Variants in CCDC175 observed in about 807,000 individuals in gnomAD.
CCDC175 encodes the protein coiled-coil domain-containing protein 175.
Under a neutral mutation model 114.6 loss-of-function variants are expected in CCDC175, and 100 were observed. That is an observed-to-expected ratio of 0.87 (90% CI 0.74 to 1.03). The LOEUF (loss-of-function observed/expected upper bound fraction) is 1.03, where lower values mean the gene tolerates loss of function less well. Ranked by LOEUF, CCDC175 falls within the 50% of genes least tolerant of loss-of-function variation. The pLI is 0.00. For synonymous variants in CCDC175, 306 were observed against 308.7 expected (o/e 0.99, Z 0.09); for missense variants, 880 against 917.8 (o/e 0.96, Z 0.53).
intron 15 of CCDC175, among the ~76,000 whole-genome samples, chr14:59,526,013 A>G (rs1269202183): frequency 1.3e-5 from 2 of 152,172 alleles, no homozygotes; most frequent in African/African-American, 2.4e-5. Context: ...TGATATATAA[A>G]CAATTGTCCA....
At position 59,526,888 on chromosome 14, in the gene CCDC175, T is replaced by A. The variant is rs77868958; in HGVS notation, c.1842+207A>T. ...ACACATAAGTATACATATATACACA[T>A]ACATACATAGCATATGTGTACAGGT... On this transcript the variant is annotated intron_variant, in intron 15 of 19. Transcript: ENST00000537690. 7.9e-4 allele frequency among the ~76,000 whole-genome samples: 121 copies of A among 152,238 alleles called. No homozygotes were observed. In the East Asian group the frequency reaches 0.013, roughly 16 times the overall value.
At chr14:59,507,921 A>G (rs528404186) in intron 19 of CCDC175, among the ~76,000 whole-genome samples, 1 of 152,316 alleles carries the variant, frequency 6.6e-6, no homozygotes, top group East Asian at 1.9e-4. Flanking sequence ...ATGACCAAAC[A>G]GCAAACTGTT....
chr14:59,548,774 G>A (rs1272464745), intron 8 of CCDC175, among the ~76,000 whole-genome samples: 2 of 152,198 alleles, frequency 1.3e-5, no homozygotes, highest in South Asian at 2.1e-4. Flanking sequence ...GTAGCCCAGA[G>A]GGGAAGCCAT....
chr14:59,527,209 A>G, intron 14 of CCDC175, 35 bp from the exon 15 acceptor site: 1 of 1,097,424 alleles, frequency 9.1e-7, no homozygotes, highest in Non-Finnish European at 1.3e-6. Context: ...CTACCTCAAA[A>G]ATTTAGTTAA....
intron 7 of CCDC175, among the ~76,000 whole-genome samples, chr14:59,556,840 A>C (rs1312904466): frequency 6.6e-6 from 1 of 152,226 alleles, no homozygotes; most frequent in Non-Finnish European, 1.5e-5. Context: ...GAAGACATTT[A>C]TGCAGCCAAA....
intron 3 of CCDC175, among the ~76,000 whole-genome samples, chr14:59,570,948 G>A (rs183596575): frequency 1.3e-5 from 2 of 151,968 alleles, no homozygotes; most frequent in East Asian, 3.9e-4. Flanking sequence ...TCACTATGTT[G>A]GCCAGGCTGG....
At chr14:59,523,965 G>C (rs896036949) in intron 16 of CCDC175, among the ~76,000 whole-genome samples, 6 of 151,648 alleles carry the variant, frequency 4.0e-5, no homozygotes, top group Non-Finnish European at 8.8e-5. Flanking sequence ...CTCCAGCCTG[G>C]GCGACAGAGC....
intron 5 of CCDC175, among the ~76,000 whole-genome samples, chr14:59,564,684 C>A (rs1468695281): frequency 6.6e-6 from 1 of 152,112 alleles, no homozygotes; most frequent in Non-Finnish European, 1.5e-5. Context: ...TGGGCTGGTG[C>A]CCTATCTGAA....
intron 7 of CCDC175, among the ~76,000 whole-genome samples, chr14:59,555,066 A>G (rs1339600235): frequency 6.6e-6 from 1 of 152,234 alleles, no homozygotes; most frequent in Non-Finnish European, 1.5e-5. Flanking sequence ...ATTACTTCTG[A>G]AACTATTCCA....
At chr14:59,565,906 C>G (rs1896511271) in intron 4 of CCDC175, among the ~76,000 whole-genome samples, 1 of 152,154 alleles carries the variant, frequency 6.6e-6, no homozygotes. Context: ...TGAATGGGAT[C>G]TGGCCAGATG....
At chr14:59,537,078 G>T (rs1199040451) in intron 13 of CCDC175, among the ~76,000 whole-genome samples, 12 of 152,134 alleles carry the variant, frequency 7.9e-5, no homozygotes, top group Admixed American at 7.9e-4. Flanking sequence ...ACTGCACCTG[G>T]CCTGATCATA....
chr14:59,547,347 T>C (rs963049213), intron 8 of CCDC175, among the ~76,000 whole-genome samples: 2 of 152,098 alleles, frequency 1.3e-5, no homozygotes, highest in African/African-American at 4.8e-5. Flanking sequence ...CCAATCAAAA[T>C]CCAAACAGGT....
At chr14:59,526,091 A>G (rs1160915242) in intron 15 of CCDC175, among the ~76,000 whole-genome samples, 1 of 152,206 alleles carries the variant, frequency 6.6e-6, no homozygotes, top group African/African-American at 2.4e-5. Context: ...TGAAGAAAGA[A>G]GAAGATTATG....
intron 17 of CCDC175, among the ~76,000 whole-genome samples, chr14:59,516,615 C>T (rs1049168886): frequency 4.6e-5 from 7 of 152,116 alleles, no homozygotes; most frequent in Non-Finnish European, 2.9e-5. Context: ...GAAGACTAAA[C>T]CAGGAAGAAG....
chr14:59,511,847 T>G lies in CCDC175; in HGVS notation c.2099-44A>C, dbSNP rs1302231068. 3 of 1,317,640 alleles carry G rather than the reference T, an allele frequency of 2.3e-6. No homozygotes were observed. The East Asian group carries it at 7.5e-5, about 33-fold the overall frequency. 81.6% of individuals were successfully genotyped at this position (1,317,640 alleles called of 1,614,324 possible). ...AAATACAATGGTTACTGACACAATC[T>G]GAACATTTTAATAAAAGTCGTGTTA... On this transcript the variant is annotated intron_variant, in intron 17 of 19. Coordinates refer to ENST00000537690, the MANE Select transcript of CCDC175 (RefSeq NM_001164399.2).
At chr14:59,530,455 A>G (rs1894002721) in intron 14 of CCDC175, among the ~76,000 whole-genome samples, 1 of 123,518 alleles carries the variant, frequency 8.1e-6, no homozygotes, top group Non-Finnish European at 1.7e-5. Flanking sequence ...AGGGGAGGGG[A>G]GAGGAGGGGA....
intron 6 of CCDC175, 74 bp from the exon 7 acceptor site, chr14:59,561,302 A>G (rs1896216655): frequency 1.5e-6 from 1 of 662,758 alleles, no homozygotes; most frequent in East Asian, 2.8e-5. Context: ...AATTCCACTC[A>G]ATATTCATGA....
At chr14:59,551,685 G>A (rs1157606677) in intron 7 of CCDC175, among the ~76,000 whole-genome samples, 1 of 152,214 alleles carries the variant, frequency 6.6e-6, no homozygotes, top group African/African-American at 2.4e-5. Flanking sequence ...CCTCACCTAG[G>A]AAGCACAAGG....
At position 59,511,765 on chromosome 14, in the gene CCDC175, C is replaced by T. The variant is rs1301864652; in HGVS notation, c.2137G>A (p.Val713Ile). Residue 713 changes from valine to isoleucine, a missense_variant, in exon 18 of 20, where the codon GTT becomes ATT. Val to Ile is a conservative substitution (Grantham distance 29, BLOSUM62 3). Coordinates refer to ENST00000537690, the MANE Select transcript of CCDC175 (RefSeq NM_001164399.2). Reference sequence around the variant, plus strand: ...CAGACACACGCAAAACTCACCTTAACTGTGGTCTGAAATTCAGCCCACAAA... The same window carrying T: ...CAGACACACGCAAAACTCACCTTAATTGTGGTCTGAAATTCAGCCCACAAA... Reference protein sequence around the residue: ...KDLWAEFQTTVKILVDNGEET... With the variant: ...KDLWAEFQTTIKILVDNGEET... 6.5e-6 allele frequency: 10 copies of T among 1,536,402 alleles called. No homozygotes were observed. The highest frequency in any genetic ancestry group is 2.7e-5 in the African/African-American group (2 of 72,974).
Sources: allele counts gnomAD v4.1 joint callset (sites outside exome capture counted in the v4.1 genomes callset), GRCh38; gene constraint gnomAD v4.1.1; transcripts MANE v1.5; gene names NCBI Gene and HGNC (gene_info 2026-07-23, HGNC 2026-07-21).